Variants in AASDH observed in about 807,000 individuals in gnomAD.
AASDH encodes the protein aminoadipate-semialdehyde dehydrogenase.
In AASDH, 81 loss-of-function variants were observed where a neutral mutation model predicts 102.3. The observed-to-expected ratio is 0.79, with a 90% CI of 0.66 to 0.95. AASDH has a LOEUF of 0.95. AASDH is among the 40% of genes least tolerant of loss of function. AASDH has a pLI of 0.00. For synonymous variants in AASDH, 398 were observed against 454.0 expected (o/e 0.88, Z 1.57); for missense variants, 1,203 against 1,266.2 (o/e 0.95, Z 0.76).
At chr4:56,348,939 C>T in intron 11 of AASDH, 2 of 337,508 alleles carry the variant, frequency 5.9e-6, no homozygotes, top group Non-Finnish European at 1.1e-5. Flanking sequence ...TTGTGTTGTT[C>T]TAGGTTGTTG....
intron 14 of AASDH, among the ~76,000 whole-genome samples, chr4:56,339,164 T>C (rs1039129164): frequency 6.6e-6 from 1 of 151,602 alleles, no homozygotes; most frequent in African/African-American, 2.4e-5. Flanking sequence ...TTATTATTAT[T>C]TTTTTTTGAG....
At chr4:56,340,556 C>A (rs1747549254) in intron 14 of AASDH, among the ~76,000 whole-genome samples, 1 of 152,124 alleles carries the variant, frequency 6.6e-6, no homozygotes, top group South Asian at 2.1e-4. Flanking sequence ...AAATTTAAGA[C>A]CTAAAACTAG....
Position 56,352,263 on chromosome 4 carries a change from G to T in AASDH, c.1577-806C>A, listed in dbSNP as rs887173197. Among the ~76,000 whole-genome samples the T allele has an allele frequency of 2.0e-5, 3 of 152,294 alleles. No individual in the cohort carries two copies. In the East Asian group the frequency reaches 5.8e-4, roughly 29 times the overall value. On this transcript the variant is annotated intron_variant, in intron 9 of 14. Transcript: ENST00000205214. Reference sequence around the variant, plus strand: ...CCAGATTAACCATTTTTCTGACTGGGTCTGTGAGGGTGCTTCTGGATGAGA... The same window carrying T: ...CCAGATTAACCATTTTTCTGACTGGTTCTGTGAGGGTGCTTCTGGATGAGA...
intron 5 of AASDH, among the ~76,000 whole-genome samples, chr4:56,358,040 A>G (rs1365546905): frequency 1.3e-5 from 2 of 152,104 alleles, no homozygotes; most frequent in Admixed American, 1.3e-4. Context: ...TTCAGTGTAC[A>G]AATCTTGCTC....
At chr4:56,356,090 G>C (rs763988605) in intron 5 of AASDH, 6 of 603,028 alleles carry the variant, frequency 9.9e-6, no homozygotes, top group Non-Finnish European at 1.5e-5. Context: ...TATACAAAAG[G>C]GTTTAAAAAT....
Position 56,378,246 on chromosome 4 carries a change from A to G in AASDH, c.570T>C (p.His190=), listed in dbSNP as rs781341080. ...AEEHMDLRLK[H]CLAYVLHTSG... ...ATGTATGTAGAACATAGGCTAAGCA[A>G]TGCTTTAGCCTCAGATCCATGTGTT... The change falls in exon 4 of 15, where the codon CAT becomes CAC. Residue 190 remains histidine (H), a synonymous_variant. Coordinates refer to ENST00000205214, the MANE Select transcript of AASDH (RefSeq NM_181806.4). 1 of 1,614,202 alleles carries G rather than the reference A, an allele frequency of 6.2e-7. No homozygotes were observed. Among genetic ancestry groups the G allele is most frequent in the Non-Finnish European group, 8.5e-7 (1 of 1,180,024 alleles).
chr4:56,356,637 C>T (rs1466691988), intron 5 of AASDH: 1 of 693,330 alleles, frequency 1.4e-6, no homozygotes, highest in East Asian at 2.6e-5. Context: ...TGGTTGTCTT[C>T]TTGCCTGCCC....
Position 56,349,686 on chromosome 4 carries a change from A to G in AASDH, c.2065T>C (p.Ser689Pro), listed in dbSNP as rs758108506. ...GTTAAAAACCTAGTGGAATTCAGAG[A>G]CAAAATTTGACTCCCTCTGCTCAGT... is the stretch of plus-strand genomic sequence containing the variant. ...VVLSRGSQIL[S>P]LNSTRFLTKL... The change falls in exon 11 of 15, where the codon TCT (serine) becomes CCT (proline). Residue 689 changes from serine to proline, a missense_variant. Coordinates refer to ENST00000205214, the MANE Select transcript of AASDH (RefSeq NM_181806.4). 1.9e-6 allele frequency: 3 copies of G among 1,614,110 alleles called. No individual in the cohort carries two copies. The highest frequency in any genetic ancestry group is 1.7e-6 in the Non-Finnish European group (2 of 1,180,050).
In AASDH at chr4:56,345,296, A is replaced by C. The variant is rs370435143; in HGVS notation, c.2489-6T>G. On this transcript the variant is annotated splice_region_variant and splice_polypyrimidine_tract_variant and intron_variant, in intron 11 of 14. Coordinates refer to ENST00000205214, the MANE Select transcript of AASDH (RefSeq NM_181806.4). ...AACTAATCCATTATAACAGCCTACC[A>C]AGAAACAAAGCACAAAAGATTTGAT... 3.0e-4 allele frequency: 480 copies of C among 1,609,288 alleles called. No individual in the cohort carries two copies. Among genetic ancestry groups the C allele is most frequent in the Non-Finnish European group, 4.0e-4 (465 of 1,176,092 alleles).
At position 56,349,616 on chromosome 4, in the gene AASDH, G is replaced by A; in HGVS notation, c.2135C>T (p.Ser712Leu). 1.2e-6 allele frequency: 2 copies of A among 1,614,188 alleles called. No homozygotes were observed. The change falls in exon 11 of 15, where the codon TCA (serine) becomes TTA (leucine). Residue 712 changes from serine (S) to leucine (L), a missense_variant. Transcript: ENST00000205214. Reference sequence around the variant, plus strand: ...TTTCAAATTTTGAATGTTGGTCTGTGAAACTGAGTCAGAAGGACAGGCTGA... The same window carrying A: ...TTTCAAATTTTGAATGTTGGTCTGTAAAACTGAGTCAGAAGGACAGGCTGA... ...CSSACPSDSV[S>L]QTNIQNLKGL...
intron 5 of AASDH, chr4:56,356,303 C>A: frequency 7.7e-7 from 1 of 1,304,828 alleles, no homozygotes; most frequent in Non-Finnish European, 1.1e-6. Context: ...TGTGAAATAG[C>A]CCTGCTCTAT....
rs747418671 is a variant in AASDH, at chr4:56,355,176, C to A, written c.1103+6G>T. The A allele has an allele frequency of 3.1e-6, 5 of 1,612,500 alleles. No individual in the cohort carries two copies. Among genetic ancestry groups the A allele is most frequent in the African/African-American group, 2.7e-5 (2 of 74,748 alleles). Reference sequence around the variant, plus strand: ...CTTCTCTATATAGTACAATGAAAACCCTTACTTGAGAGTAGAGTTAAGAGT... The same window carrying A: ...CTTCTCTATATAGTACAATGAAAACACTTACTTGAGAGTAGAGTTAAGAGT... On this transcript the variant is annotated splice_donor_region_variant and intron_variant, in intron 6 of 14. Coordinates refer to ENST00000205214, the MANE Select transcript of AASDH (RefSeq NM_181806.4).
chr4:56,373,733 TTC>T (rs1752009322), intron 4 of AASDH, among the ~76,000 whole-genome samples: 4 of 152,170 alleles, frequency 2.6e-5, no homozygotes, highest in Non-Finnish European at 5.9e-5. Flanking sequence ...AGAGCAAACT[TTC>T]TAACAGGCTT....
chr4:56,371,038 G>A (rs187770280), intron 5 of AASDH, among the ~76,000 whole-genome samples: 2 of 152,208 alleles, frequency 1.3e-5, no homozygotes, highest in East Asian at 3.9e-4. Flanking sequence ...GTTTCTGTAG[G>A]TTAATGTAAA....
chr4:56,368,885 GTAAATA>G (rs1392542618), intron 5 of AASDH, among the ~76,000 whole-genome samples: 1 of 148,098 alleles, frequency 6.8e-6, no homozygotes, highest in African/African-American at 2.5e-5. Context: ...AAAAACAAAT[GTAAATA>G]TAAACTCCCT....
In AASDH at chr4:56,338,310, C is replaced by CATCT; in HGVS notation, c.*91_*92insAGAT. ...TTCCGTTTCTTAGCCAAAATATAAT[C>CATCT]TTCTTTAATATAAAATAAGTCCACA... On this transcript the variant is annotated 3_prime_UTR_variant, in exon 15 of 15. Transcript: ENST00000205214. 3 of 1,360,750 alleles carry CATCT rather than the reference C, an allele frequency of 2.2e-6. No individual in the cohort carries two copies. The highest frequency in any genetic ancestry group is 2.4e-4 in the Middle Eastern group (1 of 4,130). The allele number at this position is 1,360,750 out of a possible 1,614,324, so 84.3% of individuals were successfully genotyped here. A position where few individuals can be genotyped will look rare whatever the true frequency, so the allele number is the denominator to read the frequency against.
intron 5 of AASDH, among the ~76,000 whole-genome samples, chr4:56,369,518 A>C (rs1751444476): frequency 6.6e-6 from 1 of 152,212 alleles, no homozygotes; most frequent in African/African-American, 2.4e-5. Context: ...TAGGATGAAA[A>C]ACACATTGCC....
At chr4:56,372,499 G>A (rs1751843686) in intron 4 of AASDH, among the ~76,000 whole-genome samples, 1 of 152,232 alleles carries the variant, frequency 6.6e-6, no homozygotes, top group African/African-American at 2.4e-5. Context: ...AATATATGTG[G>A]TTAGGCTCTT....
intron 11 of AASDH, 132 bp from the exon 12 acceptor site, chr4:56,345,422 C>T: frequency 1.2e-6 from 1 of 809,902 alleles, no homozygotes; most frequent in Non-Finnish European, 1.8e-6. Flanking sequence ...ATCTGGCTTA[C>T]ATTTTAGCAA....
Sources: allele counts gnomAD v4.1 joint callset (sites outside exome capture counted in the v4.1 genomes callset), GRCh38; gene constraint gnomAD v4.1.1; transcripts MANE v1.5; gene names NCBI Gene and HGNC (gene_info 2026-07-23, HGNC 2026-07-21).